The following MAP7D2 variants were observed in gnomAD, a reference collection of about 807,000 sequenced individuals.
The protein encoded by MAP7D2 is MAP7 domain-containing protein 2.
Under a neutral mutation model 63.5 loss-of-function variants are expected in MAP7D2, and 33 were observed. The ratio of observed to expected loss-of-function variants is 0.52; its 90% CI spans 0.39 to 0.70. The LOEUF (loss-of-function observed/expected upper bound fraction) is 0.70, where lower values mean the gene tolerates loss of function less well. Ranked by LOEUF, MAP7D2 falls within the 30% of genes least tolerant of loss-of-function variation. The probability of loss-of-function intolerance (pLI) is 0.00; values close to 1 mark genes in which losing one functional copy is unlikely to be tolerated. For missense variants in MAP7D2, 626 were observed against 604.0 expected (o/e 1.04, Z -0.38); for synonymous variants, 224 against 223.7 (o/e 1.00, Z -0.01).
At chrX:20,105,955 G>C (rs2066554576) in intron 1 of MAP7D2, among the ~76,000 whole-genome samples, 1 of 112,014 alleles carries the variant, frequency 8.9e-6, no homozygotes, top group African/African-American at 3.2e-5. Flanking sequence ...GTCAGCATCT[G>C]CTTGGCATCT....
intron 4 of MAP7D2, among the ~76,000 whole-genome samples, chrX:20,056,446 A>G (rs780701991): frequency 9.0e-6 from 1 of 111,722 alleles, no homozygotes; most frequent in Non-Finnish European, 1.9e-5. Flanking sequence ...CTCAAAACCC[A>G]GTTTTTGTGT....
rs756153884 is a variant in MAP7D2, at chrX:20,050,838, T to C, written c.704A>G (p.Gln235Arg). Residue 235 changes from glutamine (Q) to arginine (R), a missense_variant, in exon 6 of 17, where the codon CAG (glutamine) becomes CGG (arginine). Gln to Arg is a conservative substitution (Grantham distance 43, BLOSUM62 1). Transcript: ENST00000379643. ...RSRASVMLSG[Q>R]ANDSVFHVCP... ...GCCTCTTTTACCTGAATCATTGGCCTGCCCAGAGAGCATGACTGAAGCTCT... is the reference window on the plus strand; with the variant it reads ...GCCTCTTTTACCTGAATCATTGGCCCGCCCAGAGAGCATGACTGAAGCTCT... 8.4e-6 allele frequency: 10 copies of C among 1,185,698 alleles called. No homozygotes were observed. In the South Asian group the frequency reaches 1.8e-4, roughly 21 times the overall value.
Position 20,012,368 on chromosome X carries a change from C to T in MAP7D2, c.2053G>A (p.Val685Ile). ...SNSLDDSTEE[V>I]QSMDVSPVSK... ...ATATACCTCACATCCATAGACTGAA[C>T]TTCTTCAGTTGAATCATCCAGGCTA... Residue 685 changes from valine to isoleucine, a missense_variant, in exon 15 of 17, where the codon GTT becomes ATT. Coordinates refer to ENST00000379643, the MANE Select transcript of MAP7D2 (RefSeq NM_001168465.2). 8.3e-7 allele frequency: 1 copy of T among 1,200,763 alleles called. No homozygotes were observed. Among genetic ancestry groups the T allele is most frequent in the Non-Finnish European group, 1.1e-6 (1 of 889,294 alleles).
At chrX:20,087,502 T>C (rs2065939234) in intron 1 of MAP7D2, among the ~76,000 whole-genome samples, 1 of 112,034 alleles carries the variant, frequency 8.9e-6, no homozygotes, top group African/African-American at 3.2e-5. Flanking sequence ...TCTTGCAGTC[T>C]GCAGAATCAT....
chrX:20,009,663 CAAAAAAAAA>C (rs35018861), intron 16 of MAP7D2, among the ~76,000 whole-genome samples: 2 of 17,736 alleles, frequency 1.1e-4, no homozygotes, highest in African/African-American at 2.5e-4. Flanking sequence ...GATTCCATCT[CAAAAAAAAA>C]AAAAAAAAAA....
intron 1 of MAP7D2, among the ~76,000 whole-genome samples, chrX:20,079,293 G>T (rs935082782): frequency 8.9e-6 from 1 of 112,028 alleles, no homozygotes; most frequent in African/African-American, 3.2e-5. Context: ...TGAAGAGAAA[G>T]AGCATGGCAA....
chrX:20,076,101 G>A (rs2065635138), intron 1 of MAP7D2, among the ~76,000 whole-genome samples: 1 of 111,452 alleles, frequency 9.0e-6, no homozygotes, highest in Non-Finnish European at 1.9e-5. Context: ...GTCTGGGGTG[G>A]GGCCTGAGAA....
chrX:20,043,688 G>C (rs1367204048), intron 7 of MAP7D2, among the ~76,000 whole-genome samples: 1 of 112,442 alleles, frequency 8.9e-6, no homozygotes, highest in Admixed American at 9.4e-5. Flanking sequence ...ATAGATATTT[G>C]TTATTTTAAG....
intron 10 of MAP7D2, among the ~76,000 whole-genome samples, chrX:20,023,791 T>G (rs1487860468): frequency 9.0e-6 from 1 of 111,142 alleles, no homozygotes; most frequent in Non-Finnish European, 1.9e-5. Context: ...TGACCTCCCT[T>G]CACACACCTT....
chrX:20,042,627 C>T lies in MAP7D2; in HGVS notation c.882G>A (p.Val294=). The T allele has an allele frequency of 8.3e-7, 1 of 1,211,542 alleles. No homozygotes were observed. Among genetic ancestry groups the T allele is most frequent in the Non-Finnish European group, 1.1e-6 (1 of 895,364 alleles). Residue 294 remains valine, a splice_region_variant and synonymous_variant, in exon 8 of 17, where the codon GTG becomes GTA. Transcript: ENST00000379643. ...TTCGTTGCCCCCGCTTCACCTTCTC[C>T]ACCTGTAGGGGACACAGGATAGCCA... ...EALSGGEASL[V]EKVKRGQRTA...
At position 20,010,961 on chromosome X, in the gene MAP7D2, C is replaced by G; in HGVS notation, c.2164G>C (p.Gly722Arg). 8.3e-7 allele frequency: 1 copy of G among 1,211,267 alleles called. No homozygotes were observed. The highest frequency in any genetic ancestry group is 1.8e-5 in the South Asian group (1 of 56,951). Residue 722 changes from glycine to arginine, a missense_variant, in exon 16 of 17, where the codon GGT becomes CGT. Physicochemically the swap from Gly to Arg is moderately radical, Grantham distance 125. Transcript: ENST00000379643. ...PGVSLDQNGT[G>R]NARALQDLLD... ...AGATCTTGAAGTGCTCGGGCATTAC[C>G]AGTTCCATTTTGGTCCAGAGACACC...
chrX:20,075,654 T>C (rs140166155), intron 1 of MAP7D2, among the ~76,000 whole-genome samples: 15 of 111,754 alleles, frequency 1.3e-4, no homozygotes, highest in Non-Finnish European at 2.8e-4. Flanking sequence ...AAAAGCTGCA[T>C]ATTAGGAATT....
intron 3 of MAP7D2, among the ~76,000 whole-genome samples, chrX:20,060,954 G>T (rs1291818416): frequency 9.2e-6 from 1 of 108,904 alleles, no homozygotes; most frequent in Non-Finnish European, 1.9e-5. Flanking sequence ...GGGCTGGGGT[G>T]GGGTCAACAG....
chrX:20,063,630 T>C, intron 2 of MAP7D2, 53 bp from the exon 3 acceptor site: 4 of 1,162,654 alleles, frequency 3.4e-6, no homozygotes, highest in Admixed American at 4.6e-5. Flanking sequence ...CCCATGCAGT[T>C]TGGATTAAGA....
intron 1 of MAP7D2, among the ~76,000 whole-genome samples, chrX:20,102,780 G>A (rs1340953691): frequency 9.2e-6 from 1 of 108,954 alleles, no homozygotes; most frequent in Non-Finnish European, 1.9e-5. Flanking sequence ...GGCGGGGTGG[G>A]GGGGAGTCGT....
chrX:20,030,511 C>T (rs1385773733), intron 8 of MAP7D2, among the ~76,000 whole-genome samples: 1 of 111,982 alleles, frequency 8.9e-6, no homozygotes, highest in Non-Finnish European at 1.9e-5. Context: ...CCTCTGTAAA[C>T]ACAGTGGCAA....
At chrX:20,085,842 GC>G (rs1266232054) in intron 1 of MAP7D2, among the ~76,000 whole-genome samples, 1 of 111,686 alleles carries the variant, frequency 9.0e-6, no homozygotes, top group Non-Finnish European at 1.9e-5. Context: ...CTCCCAAGTA[GC>G]TGGGATTACA....
At chrX:20,108,720 CAA>C (rs1367753312) in intron 1 of MAP7D2, among the ~76,000 whole-genome samples, 1 of 69,129 alleles carries the variant, frequency 1.4e-5, no homozygotes, top group Non-Finnish European at 2.9e-5. Flanking sequence ...TGGAAATTTA[CAA>C]AAAAAAAAAA....
chrX:20,084,370 C>T (rs1339400046), intron 1 of MAP7D2, among the ~76,000 whole-genome samples: 2 of 111,079 alleles, frequency 1.8e-5, no homozygotes, highest in Non-Finnish European at 3.8e-5. Flanking sequence ...CCTCAGAAAA[C>T]GATAAAGAAA....
Sources: gnomAD v4.1 joint callset for allele counts (sites outside exome capture counted in the v4.1 genomes callset) on GRCh38, gnomAD v4.1.1 for gene constraint, MANE v1.5 for transcripts, NCBI Gene and HGNC (gene_info 2026-07-23, HGNC 2026-07-21) for gene names.